Variants in BICRAL observed in about 807,000 individuals in gnomAD.
BICRAL encodes BRD4-interacting chromatin-remodeling complex-associated protein-like.
Under a neutral mutation model 91.8 loss-of-function variants are expected in BICRAL, and 8 were observed. The observed-to-expected ratio is 0.09, with a 90% confidence interval of 0.05 to 0.16. BICRAL has a LOEUF of 0.16. Among genes scored for constraint, BICRAL ranks in the 10% least tolerant of loss-of-function variants. The pLI is 1.00. For synonymous variants in BICRAL, 445 were observed against 491.1 expected, an observed-to-expected ratio of 0.91 and a Z score of 1.24; for missense variants, 1,038 against 1,310.9, an observed-to-expected ratio of 0.79 and a Z score of 3.21.
At chr6:42,753,677 C>A (rs1306432294) in intron 1 of BICRAL, among the ~76,000 whole-genome samples, 1 of 151,840 alleles carries the variant, frequency 6.6e-6, no homozygotes, top group South Asian at 2.1e-4. Context: ...GGTGGCACGA[C>A]CTTGGCTCAG....
rs371282835 is a variant in BICRAL at position 42,747,540 on chromosome 6, AAAAC to A, written c.-261+525_-261+528del. Among the ~76,000 whole-genome samples, 825 of 152,326 alleles carry A rather than the reference AAAAC, an allele frequency of 5.4e-3. 6 individuals carry two copies. Among genetic ancestry groups the A allele is most frequent in the African/African-American group, 0.019 (779 of 41,566 alleles). On this transcript the variant is annotated intron_variant, in intron 1 of 14. Transcript: ENST00000614467. ...CACTCTCTTCCTTTCCTTCCCACTT[AAAAC>A]AAACAAAACACACATAAATTGCTGG... is the stretch of plus-strand genomic sequence containing the variant.
At chr6:42,752,912 CTTTTTTTTTTTTT>C (rs57864510) in intron 1 of BICRAL, among the ~76,000 whole-genome samples, 10 of 82,216 alleles carry the variant, frequency 1.2e-4, no homozygotes, top group African/African-American at 4.5e-4. Flanking sequence ...CCCCAGCTGA[CTTTTTTTTTTTTT>C]TTTTTTTTTT....
chr6:42,797,044 C>CAA (rs1192829085), intron 1 of BICRAL, among the ~76,000 whole-genome samples: 64 of 43,914 alleles, frequency 1.5e-3, no homozygotes, highest in Middle Eastern at 0.016. Context: ...AACTCTGTCT[C>CAA]AAAAAAAAAA....
At chr6:42,809,142 C>T (rs1490859134) in intron 1 of BICRAL, among the ~76,000 whole-genome samples, 4 of 151,148 alleles carry the variant, frequency 2.6e-5, no homozygotes, top group Non-Finnish European at 4.4e-5. Context: ...TGTTCCCCTC[C>T]CTGTTCTCAT....
intron 1 of BICRAL, among the ~76,000 whole-genome samples, chr6:42,790,877 G>A (rs1763252767): frequency 1.3e-5 from 2 of 152,078 alleles, no homozygotes; most frequent in Non-Finnish European, 2.9e-5. Flanking sequence ...CAGAAGGTGG[G>A]CTGGGGGAGT....
chr6:42,791,182 C>A (rs1013859535), intron 1 of BICRAL, among the ~76,000 whole-genome samples: 3 of 150,976 alleles, frequency 2.0e-5, no homozygotes, highest in Non-Finnish European at 4.4e-5. Flanking sequence ...GTATGTACTC[C>A]CACTCAGGAA....
rs1159128341 is a variant in BICRAL, at chr6:42,859,628, C to T, written c.2255-634C>T. 5.9e-5 allele frequency among the ~76,000 whole-genome samples: 9 copies of T among 151,896 alleles called. 1 individual carries two copies. Among genetic ancestry groups the T allele is most frequent in the African/African-American group, 2.2e-4 (9 of 41,314 alleles). On this transcript the variant is annotated intron_variant, in intron 10 of 12. Coordinates refer to ENST00000314073, the MANE Select transcript of BICRAL (RefSeq NM_001393499.1). ...AGGTCATCTAAACTAGCAGATCATTCTCTACTCATTGATATATATATATTT... is the reference window on the plus strand; with the variant it reads ...AGGTCATCTAAACTAGCAGATCATTTTCTACTCATTGATATATATATATTT...
At chr6:42,834,543 A>G (rs534817289) in intron 6 of BICRAL, among the ~76,000 whole-genome samples, 2 of 152,306 alleles carry the variant, frequency 1.3e-5, no homozygotes, top group South Asian at 4.1e-4. Context: ...GTAGCATTCT[A>G]ATTTAAGGAA....
At chr6:42,806,904 C>G (rs895423880) in intron 1 of BICRAL, among the ~76,000 whole-genome samples, 1 of 152,164 alleles carries the variant, frequency 6.6e-6, no homozygotes, top group Admixed American at 6.6e-5. Flanking sequence ...GATCTTGGCT[C>G]ACTGCAACCT....
intron 10 of BICRAL, among the ~76,000 whole-genome samples, chr6:42,857,636 T>TATATATA (rs58815206): frequency 9.8e-6 from 1 of 102,020 alleles, no homozygotes; most frequent in African/African-American, 6.9e-5. Context: ...TATATATATA[T>TATATATA]TTTTTAGGAG....
At chr6:42,764,243 G>GAA (rs528842794) in intron 1 of BICRAL, among the ~76,000 whole-genome samples, 1,921 of 125,614 alleles carry the variant, frequency 0.015, 58 homozygotes, top group African/African-American at 0.053. Context: ...CTTTGTTTCC[G>GAA]AAAAAAAAAA....
chr6:42,812,529 C>T (rs1222962356), intron 2 of BICRAL, among the ~76,000 whole-genome samples: 1 of 151,320 alleles, frequency 6.6e-6, no homozygotes, highest in Non-Finnish European at 1.5e-5. Context: ...TGGGCCAAGA[C>T]AACAAAGCAA....
At chr6:42,784,970 C>T (rs892373436) in intron 1 of BICRAL, among the ~76,000 whole-genome samples, 2 of 152,116 alleles carry the variant, frequency 1.3e-5, no homozygotes, top group African/African-American at 4.8e-5. Flanking sequence ...TTGTACTATG[C>T]TATGCACTGT....
intron 11 of BICRAL, among the ~76,000 whole-genome samples, chr6:42,861,419 A>G (rs1217000533): frequency 6.6e-6 from 1 of 152,220 alleles, no homozygotes; most frequent in Non-Finnish European, 1.5e-5. Flanking sequence ...ATCATCCCAG[A>G]TAGAAACTGC....
chr6:42,752,494 T>A (rs1388327159), intron 1 of BICRAL, among the ~76,000 whole-genome samples: 1 of 152,194 alleles, frequency 6.6e-6, no homozygotes, highest in African/African-American at 2.4e-5. Flanking sequence ...TCACCCAAGC[T>A]GGAGTGCAGT....
In BICRAL at chr6:42,830,041, C is replaced by G. The variant is rs1409614771; in HGVS notation, c.1708C>G (p.Gln570Glu). 1 of 1,614,186 alleles carries G rather than the reference C, an allele frequency of 6.2e-7. No homozygotes were observed. Among genetic ancestry groups the G allele is most frequent in the Admixed American group, 1.7e-5 (1 of 60,010 alleles). Residue 570 changes from glutamine to glutamate, a missense_variant, in exon 6 of 13, where the codon CAG becomes GAG. Around this residue, in one of 5 missense-constraint regions of BICRAL, gnomAD observed 532 missense variants for 724.9 expected, o/e 0.73. Coordinates refer to ENST00000314073, the MANE Select transcript of BICRAL (RefSeq NM_001393499.1). ...GSSGSNFTGD[Q>E]LTQPNRTPVP... ...ATCAGGATCAAACTTTACAGGAGAT[C>G]AGCTGACCCAGCCAAACAGGACTCC...
At chr6:42,858,442 G>C (rs1403982237) in intron 10 of BICRAL, among the ~76,000 whole-genome samples, 2 of 150,592 alleles carry the variant, frequency 1.3e-5, no homozygotes, top group Non-Finnish European at 3.0e-5. Flanking sequence ...TTTGAACCTG[G>C]AAGGCAGAGG....
chr6:42,803,032 C>T (rs995869935), intron 1 of BICRAL, among the ~76,000 whole-genome samples: 10 of 152,138 alleles, frequency 6.6e-5, no homozygotes, highest in African/African-American at 2.4e-4. Flanking sequence ...TCTTTAAGGT[C>T]TAGTGTTGGT....
chr6:42,763,909 TAA>T (rs138073714), intron 1 of BICRAL, among the ~76,000 whole-genome samples: 276 of 135,992 alleles, frequency 2.0e-3, no homozygotes, highest in South Asian at 1.9e-3. Flanking sequence ...TTTAGTGCAT[TAA>T]AAAAAAAAAA....
Sources: allele counts gnomAD v4.1 joint callset (sites outside exome capture counted in the v4.1 genomes callset), GRCh38; gene constraint gnomAD v4.1.1; regional missense constraint gnomAD v4.1.1; transcripts MANE v1.5; gene names NCBI Gene and HGNC (gene_info 2026-07-23, HGNC 2026-07-21).